FAM53B: variants seen among roughly 807,000 people sequenced by gnomAD.
The protein encoded by FAM53B is protein FAM53B.
A neutral mutation model predicts 32.7 loss-of-function variants in FAM53B; 12 were observed. The observed-to-expected ratio is 0.37, with a 90% CI of 0.24 to 0.59. The LOEUF (loss-of-function observed/expected upper bound fraction) is 0.59. Among genes scored for constraint, FAM53B ranks in the 20% least tolerant of loss-of-function variants. FAM53B has a pLI of 0.72. For missense variants in FAM53B, 477 were observed against 577.7 expected (o/e 0.83, Z 1.79); for synonymous variants, 234 against 228.7 (o/e 1.02, Z -0.21).
chr10:124,727,652 C>A (rs1950115152), intron 1 of FAM53B, among the ~76,000 whole-genome samples: 1 of 152,006 alleles, frequency 6.6e-6, no homozygotes, highest in Non-Finnish European at 1.5e-5. Context: ...TCTGAATCTG[C>A]CTTCCCAATG....
At chr10:124,715,910 AG>A (rs911317465) in intron 1 of FAM53B, among the ~76,000 whole-genome samples, 6 of 152,240 alleles carry the variant, frequency 3.9e-5, no homozygotes, top group African/African-American at 1.4e-4. Context: ...AATTCCTAGC[AG>A]GGCATAGGCC....
chr10:124,630,855 C>G (rs1197708065), intron 4 of FAM53B, among the ~76,000 whole-genome samples: 3 of 152,262 alleles, frequency 2.0e-5, no homozygotes, highest in African/African-American at 7.2e-5. Context: ...GCCAGCCAGA[C>G]TGTGGTCACC....
intron 4 of FAM53B, among the ~76,000 whole-genome samples, chr10:124,656,830 TA>T (rs1015457610): frequency 2.6e-5 from 4 of 151,116 alleles, no homozygotes; most frequent in African/African-American, 9.7e-5. Flanking sequence ...GGAGTTTTTT[TA>T]AAAACTGTGA....
At chr10:124,711,477 G>A (rs7080224) in intron 1 of FAM53B, among the ~76,000 whole-genome samples, 1 of 151,966 alleles carries the variant, frequency 6.6e-6, no homozygotes, top group Admixed American at 6.6e-5. Flanking sequence ...GCGAGTAAGG[G>A]ATATGCGAGA....
At chr10:124,697,854 A>G (rs1443973780) in intron 2 of FAM53B, among the ~76,000 whole-genome samples, 2 of 152,136 alleles carry the variant, frequency 1.3e-5, no homozygotes, top group African/African-American at 4.8e-5. Flanking sequence ...CAGTGATGTA[A>G]CCATCCCCTC....
rs188069270 is a variant in FAM53B, at chr10:124,742,254, T to C, written c.-175+1759A>G. 4.9e-3 allele frequency among the ~76,000 whole-genome samples: 744 copies of C among 152,322 alleles called. 7 individuals are homozygous for C. Among genetic ancestry groups the C allele is most frequent in the Non-Finnish European group, 8.5e-3 (578 of 68,026 alleles). On this transcript the variant is annotated intron_variant, in intron 1 of 4. Transcript: ENST00000337318. ...CTGAGCCAAACCTTCTCCCACTGAA[T>C]GGGACTATCAACTGGGACAAGTAGC...
intron 4 of FAM53B, among the ~76,000 whole-genome samples, chr10:124,644,914 T>C (rs539411010): frequency 1.3e-5 from 2 of 152,328 alleles, no homozygotes; most frequent in South Asian, 2.1e-4. Flanking sequence ...AAGTAGGTGA[T>C]GGTGGCCCCT....
At chr10:124,655,002 AGGTT>A (rs1564869056) in intron 4 of FAM53B, among the ~76,000 whole-genome samples, 1 of 152,210 alleles carries the variant, frequency 6.6e-6, no homozygotes, top group Non-Finnish European at 1.5e-5. Context: ...AAGCGTGCCC[AGGTT>A]ACAGGAGCCC....
At chr10:124,739,868 GTGTTTTTATT>G (rs1233950367) in intron 1 of FAM53B, among the ~76,000 whole-genome samples, 1 of 151,894 alleles carries the variant, frequency 6.6e-6, no homozygotes, top group Non-Finnish European at 1.5e-5. Context: ...TCCTTCAAAC[GTGTTTTTATT>G]TTCTCGGGTT....
rs1394772254 is a variant in FAM53B, at chr10:124,744,096, T to C, written c.-258A>G. 6.8e-6 allele frequency: 1 copy of C among 146,856 alleles called. No individual in the cohort carries two copies. 9.1% of individuals were successfully genotyped at this position (146,856 alleles called of 1,614,324 possible). A position where few individuals can be genotyped will look rare whatever the true frequency, so the allele number is the denominator to read the frequency against. The stretch of plus-strand genomic sequence containing the variant: ...AGTCGTCCGGGGTGCCCGCCGCGCG[T>C]CCGCCGCGCGCACGCTCGCCTGCCG... On this transcript the variant is annotated 5_prime_UTR_variant, in exon 1 of 5. Transcript: ENST00000337318.
chr10:124,728,808 G>A (rs187545178), intron 1 of FAM53B, among the ~76,000 whole-genome samples: 1 of 152,370 alleles, frequency 6.6e-6, no homozygotes, highest in Admixed American at 6.5e-5. Flanking sequence ...CCCACAGGCA[G>A]TGATAAAAAT....
At chr10:124,669,003 G>A (rs905398180) in intron 4 of FAM53B, among the ~76,000 whole-genome samples, 2 of 152,250 alleles carry the variant, frequency 1.3e-5, no homozygotes, top group Non-Finnish European at 2.9e-5. Context: ...AGAGGCCCGA[G>A]AGCGGAGGCC....
At chr10:124,626,504 G>A (rs1277630537) in intron 4 of FAM53B, among the ~76,000 whole-genome samples, 6 of 151,846 alleles carry the variant, frequency 4.0e-5, no homozygotes, top group South Asian at 2.1e-4. Flanking sequence ...TGGAGGGAGC[G>A]CAGGTGCCTC....
At chr10:124,654,560 C>A (rs1239548010) in intron 4 of FAM53B, among the ~76,000 whole-genome samples, 1 of 152,214 alleles carries the variant, frequency 6.6e-6, no homozygotes, top group Non-Finnish European at 1.5e-5. Flanking sequence ...AAGGCAGAAT[C>A]CGCCTCTGAT....
intron 1 of FAM53B, among the ~76,000 whole-genome samples, chr10:124,719,284 C>T (rs912400613): frequency 2.6e-5 from 4 of 152,218 alleles, no homozygotes; most frequent in Admixed American, 1.3e-4. Flanking sequence ...CAAACACTTG[C>T]CCCACTTCCT....
In FAM53B at chr10:124,702,848, T is replaced by C. The variant is rs1371278000; in HGVS notation, c.78+3788A>G. On this transcript the variant is annotated intron_variant, in intron 2 of 4. Transcript: ENST00000337318. The stretch of plus-strand genomic sequence containing the variant: ...GTCATGGGAGCGGATCCCTCATGAA[T>C]GGCTTGGTGGCCTCCCCATGGTGAT... 3.3e-5 allele frequency among the ~76,000 whole-genome samples: 5 copies of C among 152,130 alleles called. No homozygotes were observed. The East Asian group carries it at 7.7e-4, about 23-fold the overall frequency.
intron 4 of FAM53B, among the ~76,000 whole-genome samples, chr10:124,658,518 A>C (rs1439199888): frequency 6.6e-6 from 1 of 152,236 alleles, no homozygotes; most frequent in Non-Finnish European, 1.5e-5. Flanking sequence ...AGGAGACACA[A>C]GCATATTCAG....
rs1389536601 is a variant in FAM53B at position 124,681,714 on chromosome 10, G to A, written c.799C>T (p.Arg267Cys). 5.0e-6 allele frequency: 8 copies of A among 1,610,994 alleles called. No individual in the cohort carries two copies. Among genetic ancestry groups the A allele is most frequent in the East Asian group, 4.5e-5 (2 of 44,816 alleles). The change falls in exon 4 of 5, where the codon CGC becomes TGC. Residue 267 changes from arginine to cysteine, a missense_variant. Physicochemically the swap from Arg to Cys is radical, Grantham distance 180. This residue lies in a region of FAM53B where 312 missense variants were observed against 420.2 expected (regional missense o/e 0.74). Coordinates refer to ENST00000337318, the MANE Select transcript of FAM53B (RefSeq NM_014661.4). ...TCGTTAAGGACACACGGCTGGGAGC[G>A]GCTGCGGGAAAGGCCGCTGGAGCGT... Reference protein sequence around the residue: ...ARRSSGLSRSRSQPCVLNDKK... With the variant: ...ARRSSGLSRSCSQPCVLNDKK...
chr10:124,695,276 G>A (rs897038329), intron 3 of FAM53B, among the ~76,000 whole-genome samples: 2 of 152,156 alleles, frequency 1.3e-5, no homozygotes, highest in Non-Finnish European at 2.9e-5. Context: ...CCCCAAAGGT[G>A]GGCAAGGAGA....
Sources: gnomAD v4.1 joint callset for allele counts (sites outside exome capture counted in the v4.1 genomes callset) on GRCh38, gnomAD v4.1.1 for gene constraint, gnomAD v4.1.1 regional missense constraint, MANE v1.5 for transcripts, NCBI Gene and HGNC (gene_info 2026-07-23, HGNC 2026-07-21) for gene names.